Variants in RNF13 observed in about 807,000 individuals in gnomAD.
RNF13 encodes E3 ubiquitin-protein ligase RNF13.
RNF13 carries 19 observed loss-of-function variants against 37.7 expected under a neutral mutation model. The ratio of observed to expected loss-of-function variants is 0.50; its 90% CI spans 0.35 to 0.74. The LOEUF (loss-of-function observed/expected upper bound fraction) is 0.74. Ranked by LOEUF, RNF13 falls within the 30% of genes least tolerant of loss-of-function variation. The probability of loss-of-function intolerance (pLI) is 0.01; values close to 1 mark genes in which losing one functional copy is unlikely to be tolerated. For synonymous variants in RNF13, 144 were observed against 157.8 expected (o/e 0.91, Z 0.65); for missense variants, 375 against 453.0 (o/e 0.83, Z 1.56).
intron 1 of RNF13, among the ~76,000 whole-genome samples, chr3:149,843,995 C>T (rs1040753800): frequency 6.6e-6 from 1 of 152,184 alleles, no homozygotes; most frequent in African/African-American, 2.4e-5. Context: ...GTCTCCCTTT[C>T]CCTTCCCCAA....
Position 149,933,427 on chromosome 3 carries a change from G to A in RNF13, c.700+12200G>A, listed in dbSNP as rs541646540. 3.5e-4 allele frequency among the ~76,000 whole-genome samples: 54 copies of A among 152,120 alleles called. No homozygotes were observed. In the South Asian group the frequency reaches 5.8e-3, roughly 16 times the overall value. The stretch of plus-strand genomic sequence containing the variant: ...GAAGCCACCAAGGATTACAGCTTGC[G>A]CTCTCCAGAGTAGCTATTGTAAATG... On this transcript the variant is annotated intron_variant, in intron 8 of 9. Coordinates refer to ENST00000392894, the MANE Select transcript of RNF13 (RefSeq NM_183381.3).
At chr3:149,905,565 CA>C (rs1436826187) in intron 6 of RNF13, among the ~76,000 whole-genome samples, 1 of 151,098 alleles carries the variant, frequency 6.6e-6, no homozygotes, top group Non-Finnish European at 1.5e-5. Context: ...TTAATGTAAA[CA>C]AAAATCAAAT....
chr3:149,905,150 G>C (rs946908208), intron 6 of RNF13, among the ~76,000 whole-genome samples: 2 of 152,160 alleles, frequency 1.3e-5, no homozygotes, highest in Non-Finnish European at 2.9e-5. Context: ...GAGTTTTAAT[G>C]TATATGTATT....
intron 2 of RNF13, among the ~76,000 whole-genome samples, chr3:149,848,288 T>C (rs891268075): frequency 4.6e-5 from 7 of 152,180 alleles, no homozygotes; most frequent in African/African-American, 1.7e-4. Flanking sequence ...GTGGAATGTA[T>C]GTTGATGTCC....
chr3:149,878,032 GA>G (rs1328820688), intron 4 of RNF13, among the ~76,000 whole-genome samples: 1 of 152,012 alleles, frequency 6.6e-6, no homozygotes, highest in African/African-American at 2.4e-5. Flanking sequence ...TTTCATGAAA[GA>G]AAAAAGCTGA....
At chr3:149,829,703 C>T (rs972340487) in intron 1 of RNF13, among the ~76,000 whole-genome samples, 2 of 152,128 alleles carry the variant, frequency 1.3e-5, no homozygotes, top group African/African-American at 4.8e-5. Context: ...AACACTTTTG[C>T]TTATGACAAC....
At chr3:149,905,573 A>T (rs1576854496) in intron 6 of RNF13, among the ~76,000 whole-genome samples, 1 of 151,926 alleles carries the variant, frequency 6.6e-6, no homozygotes, top group East Asian at 1.9e-4. Context: ...AACAAAAATC[A>T]AATATCTCTT....
chr3:149,894,213 C>T (rs1240397788), intron 4 of RNF13, among the ~76,000 whole-genome samples: 1 of 152,064 alleles, frequency 6.6e-6, no homozygotes, highest in South Asian at 2.1e-4. Context: ...ACTGTTGTCT[C>T]TTTCAGAAAT....
intron 4 of RNF13, among the ~76,000 whole-genome samples, chr3:149,883,337 A>G (rs987321603): frequency 3.3e-5 from 5 of 151,968 alleles, no homozygotes; most frequent in African/African-American, 4.8e-5. Flanking sequence ...TTATTCTACA[A>G]TGTCTATAAT....
chr3:149,909,966 G>C (rs961539967), intron 6 of RNF13, among the ~76,000 whole-genome samples: 3 of 148,508 alleles, frequency 2.0e-5, no homozygotes, highest in Non-Finnish European at 3.0e-5. Context: ...AAAAAAAACA[G>C]AATATGAGAG....
At chr3:149,878,427 A>G (rs1204760746) in intron 4 of RNF13, among the ~76,000 whole-genome samples, 1 of 152,214 alleles carries the variant, frequency 6.6e-6, no homozygotes, top group Non-Finnish European at 1.5e-5. Flanking sequence ...TCTTCTCAAC[A>G]TGGCCTGCAG....
chr3:149,876,771 CTTTTTTT>C (rs768071913), intron 4 of RNF13, among the ~76,000 whole-genome samples: 8 of 82,514 alleles, frequency 9.7e-5, no homozygotes, highest in Admixed American at 1.5e-4. Context: ...GTCATCATAT[CTTTTTTT>C]TTTTTTTTTT....
chr3:149,850,698 C>G (rs912075055), intron 2 of RNF13, among the ~76,000 whole-genome samples: 1 of 152,148 alleles, frequency 6.6e-6, no homozygotes, highest in African/African-American at 2.4e-5. Context: ...GTATTTTGTC[C>G]TCATTCTATT....
chr3:149,928,879 A>G (rs1011992523), intron 8 of RNF13, among the ~76,000 whole-genome samples: 3 of 152,144 alleles, frequency 2.0e-5, no homozygotes, highest in South Asian at 4.1e-4. Flanking sequence ...TTTTCAGTCT[A>G]TAAGTCTTTC....
intron 6 of RNF13, among the ~76,000 whole-genome samples, chr3:149,904,424 A>G (rs1576852602): frequency 6.6e-6 from 1 of 152,092 alleles, no homozygotes; most frequent in African/African-American, 2.4e-5. Context: ...TCTGTTGCCC[A>G]GGCTGGAGTG....
intron 7 of RNF13, among the ~76,000 whole-genome samples, chr3:149,914,013 CATTT>C (rs2108522200): frequency 6.6e-6 from 1 of 152,268 alleles, no homozygotes; most frequent in South Asian, 2.1e-4. Flanking sequence ...CTCTTCTCAG[CATTT>C]ATTTATTCAA....
At chr3:149,953,023 A>G (rs917312479) in intron 8 of RNF13, among the ~76,000 whole-genome samples, 3 of 151,976 alleles carry the variant, frequency 2.0e-5, no homozygotes, top group African/African-American at 4.8e-5. Flanking sequence ...GTACAGTTGT[A>G]GTTTATCTGC....
intron 1 of RNF13, among the ~76,000 whole-genome samples, chr3:149,829,077 G>A (rs1365429786): frequency 6.6e-6 from 1 of 152,106 alleles, no homozygotes; most frequent in Non-Finnish European, 1.5e-5. Context: ...AAGGCCCTGA[G>A]ATTGGAAAGA....
rs140952117 is a variant in RNF13, at chr3:149,868,555, C to T, written c.196-3474C>T. Reference sequence around the variant, plus strand: ...TTTTCCTTTCTGCTCCTCTTTATTCCGATCCTCTCCACTCCTCTCCTCCCC... The same window carrying T: ...TTTTCCTTTCTGCTCCTCTTTATTCTGATCCTCTCCACTCCTCTCCTCCCC... On this transcript the variant is annotated intron_variant, in intron 3 of 9. Transcript: ENST00000392894. 4.5e-3 allele frequency among the ~76,000 whole-genome samples: 680 copies of T among 151,238 alleles called. 20 individuals carry two copies. The highest frequency in any genetic ancestry group is 0.03 in the Admixed American group (458 of 15,186).
Sources: gnomAD v4.1 joint callset for allele counts (sites outside exome capture counted in the v4.1 genomes callset) on GRCh38, gnomAD v4.1.1 for gene constraint, MANE v1.5 for transcripts, NCBI Gene and HGNC (gene_info 2026-07-23, HGNC 2026-07-21) for gene names.